The following CMKLR1 variants were observed in gnomAD, a reference collection of about 807,000 sequenced individuals.
CMKLR1 encodes the protein chemerin chemokine-like receptor 1.
A neutral mutation model predicts 8.2 loss-of-function variants in CMKLR1; 6 were observed. That is an observed-to-expected ratio of 0.73 (90% confidence interval 0.40 to 1.44). The LOEUF is 1.44. Among genes scored for constraint, CMKLR1 ranks in the 40% most tolerant of loss-of-function variants. CMKLR1 has a pLI of 0.02. For missense variants in CMKLR1, 429 were observed against 478.0 expected, an observed-to-expected ratio of 0.90 and a Z score of 0.96; for synonymous variants, 178 against 181.2, an observed-to-expected ratio of 0.98 and a Z score of 0.14.
intron 2 of CMKLR1, among the ~76,000 whole-genome samples, chr12:108,306,785 G>C (rs1481150529): frequency 1.3e-5 from 2 of 152,170 alleles, no homozygotes; most frequent in Non-Finnish European, 2.9e-5. Context: ...GACCCAGACG[G>C]AACCAAGTTC....
intron 2 of CMKLR1, among the ~76,000 whole-genome samples, chr12:108,313,136 G>A (rs888406799): frequency 5.9e-5 from 9 of 152,094 alleles, no homozygotes; most frequent in Non-Finnish European, 1.0e-4. Context: ...ATCCCACCCT[G>A]TTCCCAGGCA....
intron 2 of CMKLR1, among the ~76,000 whole-genome samples, chr12:108,327,922 C>T (rs1042710970): frequency 2.0e-5 from 3 of 152,166 alleles, no homozygotes; most frequent in African/African-American, 7.2e-5. Context: ...GGAGGATGTC[C>T]GGGGTCCCAG....
intron 1 of CMKLR1, among the ~76,000 whole-genome samples, chr12:108,335,134 A>C (rs1892190503): frequency 1.3e-5 from 2 of 152,198 alleles, no homozygotes; most frequent in Non-Finnish European, 2.9e-5. Flanking sequence ...GCAACCCAAG[A>C]GGTCACCACA....
At chr12:108,338,194 G>A (rs1483436619) in intron 1 of CMKLR1, among the ~76,000 whole-genome samples, 2 of 152,194 alleles carry the variant, frequency 1.3e-5, no homozygotes, top group Non-Finnish European at 2.9e-5. Context: ...AGAGGAGGGA[G>A]TGGAATATTT....
In CMKLR1 at chr12:108,292,755, T is replaced by A. The variant is rs1378443985; in HGVS notation, c.208A>T (p.Lys70Ter). ...LVIIIATFKM[K>*]KTVNMVWFLN... ...AACCAGACCATGTTCACTGTCTTCT[T>A]CATCTTGAAGGTGGCAATGATGATC... The change falls in exon 4 of 4, where the codon AAG becomes TAG. Residue 70 changes from lysine to a stop codon, truncating the protein, a stop_gained. Coordinates refer to ENST00000550402, the MANE Select transcript of CMKLR1 (RefSeq NM_001142343.2). LOFTEE classifies it low-confidence loss of function (END_TRUNC). The A allele has an allele frequency of 2.5e-6, 4 of 1,614,006 alleles. No homozygotes were observed. The Admixed American group carries it at 6.7e-5, about 27-fold the overall frequency.
intron 2 of CMKLR1, among the ~76,000 whole-genome samples, chr12:108,321,371 G>A (rs1891857381): frequency 6.6e-6 from 1 of 152,192 alleles, no homozygotes; most frequent in Admixed American, 6.5e-5. Flanking sequence ...GGTCAAGGCT[G>A]CAGTGAGCTA....
intron 2 of CMKLR1, among the ~76,000 whole-genome samples, chr12:108,322,263 C>G (rs1891879729): frequency 6.6e-6 from 1 of 152,178 alleles, no homozygotes; most frequent in Non-Finnish European, 1.5e-5. Context: ...TGGTGCATAC[C>G]TCCCAGGGCT....
intron 2 of CMKLR1, among the ~76,000 whole-genome samples, chr12:108,320,009 A>C (rs918309470): frequency 6.6e-6 from 1 of 151,872 alleles, no homozygotes; most frequent in African/African-American, 2.4e-5. Context: ...TGAGTAAATC[A>C]TGACAGAGTA....
chr12:108,332,274 G>A (rs1273011196), intron 1 of CMKLR1, among the ~76,000 whole-genome samples: 2 of 152,200 alleles, frequency 1.3e-5, no homozygotes, highest in South Asian at 2.1e-4. Flanking sequence ...AAAAACATGC[G>A]GTGGCTCATG....
chr12:108,309,450 G>T (rs556814588), intron 2 of CMKLR1, among the ~76,000 whole-genome samples: 1 of 151,922 alleles, frequency 6.6e-6, no homozygotes, highest in African/African-American at 2.4e-5. Context: ...CAGGAGGATC[G>T]CTTGAGCCCA....
At chr12:108,315,816 C>T (rs1223611484) in intron 2 of CMKLR1, among the ~76,000 whole-genome samples, 1 of 152,186 alleles carries the variant, frequency 6.6e-6, no homozygotes, top group African/African-American at 2.4e-5. Flanking sequence ...AGGAAAGGAC[C>T]ACAGAATGTC....
At chr12:108,331,072 A>G (rs906370155) in intron 1 of CMKLR1, among the ~76,000 whole-genome samples, 11 of 152,190 alleles carry the variant, frequency 7.2e-5, no homozygotes, top group Non-Finnish European at 8.8e-5. Flanking sequence ...AGCATGGGGC[A>G]GAGACAGAAA....
chr12:108,321,864 A>G (rs767914536), intron 2 of CMKLR1, among the ~76,000 whole-genome samples: 5 of 152,188 alleles, frequency 3.3e-5, no homozygotes, highest in African/African-American at 7.2e-5. Context: ...TCCCCTCCAA[A>G]TCTCATGTTG....
At chr12:108,293,058 C>T in intron 3 of CMKLR1, 99 bp from the exon 4 acceptor site, 1 of 1,151,184 alleles carries the variant, frequency 8.7e-7, no homozygotes, top group Non-Finnish European at 1.2e-6. Flanking sequence ...TGACTCTGAG[C>T]AAGTCCAGTT....
Position 108,290,112 on chromosome 12 carries a change from G to C in CMKLR1, c.*1729C>G, listed in dbSNP as rs992929517. ...GGCTGTTGAGGGAGCTGGAAGCCAA[G>C]TGCATTTTCTCTGCCATGTTGCATC... On this transcript the variant is annotated 3_prime_UTR_variant, in exon 4 of 4. Coordinates refer to ENST00000550402, the MANE Select transcript of CMKLR1 (RefSeq NM_001142343.2). The C allele has an allele frequency of 6.6e-6, 1 of 152,230 alleles. No homozygotes were observed. The highest frequency in any genetic ancestry group is 2.4e-5 in the African/African-American group (1 of 41,472). The allele number at this position is 152,230 out of a possible 1,614,324, so 9.4% of individuals were successfully genotyped here.
At chr12:108,300,389 G>T (rs908188791) in intron 2 of CMKLR1, among the ~76,000 whole-genome samples, 2 of 152,182 alleles carry the variant, frequency 1.3e-5, no homozygotes, top group Non-Finnish European at 2.9e-5. Context: ...GTACAGAGAA[G>T]TTCCATGTAC....
In CMKLR1 at chr12:108,314,940, T is replaced by G. The variant is rs540916500; in HGVS notation, c.-74+15055A>C. Among the ~76,000 whole-genome samples the G allele has an allele frequency of 5.1e-4, 76 of 149,652 alleles. 1 individual carries two copies. The highest frequency in any genetic ancestry group is 1.9e-3 in the African/African-American group (75 of 40,342). On this transcript the variant is annotated intron_variant, in intron 2 of 3. Transcript: ENST00000550402. The stretch of plus-strand genomic sequence containing the variant: ...CAGGCTCGAACACAGCCTTGTTTTT[T>G]TTTTTTTTTTTTTTGAGACGGAGTT...
chr12:108,294,959 G>A (rs1198283709), intron 2 of CMKLR1, among the ~76,000 whole-genome samples: 2 of 152,142 alleles, frequency 1.3e-5, no homozygotes, highest in African/African-American at 4.8e-5. Context: ...AAATTCCATT[G>A]AGGGCTTTGC....
intron 2 of CMKLR1, among the ~76,000 whole-genome samples, chr12:108,318,101 A>T (rs1891776552): frequency 6.6e-6 from 1 of 152,254 alleles, no homozygotes; most frequent in South Asian, 2.1e-4. Context: ...TAGATTTGCC[A>T]GCATTTAATT....
Sources: gnomAD v4.1 joint callset for allele counts (sites outside exome capture counted in the v4.1 genomes callset) on GRCh38, gnomAD v4.1.1 for gene constraint, MANE v1.5 for transcripts, NCBI Gene and HGNC (gene_info 2026-07-23, HGNC 2026-07-21) for gene names.